Variants in PHLPP2 observed in about 807,000 individuals in gnomAD.
PHLPP2 encodes the protein PH domain and leucine rich repeat protein phosphatase 2, also known as PH domain leucine-rich repeat-containing protein phosphatase 2.
PHLPP2 carries 66 observed loss-of-function variants against 124.9 expected under a neutral mutation model. That is an observed-to-expected ratio of 0.53 (90% CI 0.43 to 0.65). PHLPP2 has a LOEUF of 0.65. Ranked by LOEUF, PHLPP2 falls within the 30% of genes least tolerant of loss-of-function variation. PHLPP2 has a pLI of 0.00. For synonymous variants in PHLPP2, 681 were observed against 624.7 expected, an observed-to-expected ratio of 1.09 and a Z score of -1.34; for missense variants, 1,685 against 1,600.4, an observed-to-expected ratio of 1.05 and a Z score of -0.90.
Position 71,646,290 on chromosome 16 carries a change from A to T in PHLPP2, c.*2600T>A, listed in dbSNP as rs774645317. 6.6e-6 allele frequency: 1 copy of T among 152,254 alleles called. No individual in the cohort carries two copies. The highest frequency in any genetic ancestry group is 1.5e-5 in the Non-Finnish European group (1 of 68,038). 9.4% of individuals were successfully genotyped at this position (152,254 alleles called of 1,614,324 possible). ...TTTAATACAGAGCAACTGCAGAAGG[A>T]CATGAATTAAAGCAGACTGCAAAAA... On this transcript the variant is annotated 3_prime_UTR_variant, in exon 19 of 19. Coordinates refer to ENST00000568954, the MANE Select transcript of PHLPP2 (RefSeq NM_015020.3).
chr16:71,692,540 T>C (rs1001539223), intron 3 of PHLPP2, among the ~76,000 whole-genome samples: 2 of 152,204 alleles, frequency 1.3e-5, no homozygotes, highest in African/African-American at 4.8e-5. Context: ...CAATAAAACT[T>C]TGTATATTAA....
chr16:71,685,913 T>C (rs1025227353), intron 4 of PHLPP2, among the ~76,000 whole-genome samples: 1 of 152,220 alleles, frequency 6.6e-6, no homozygotes, highest in African/African-American at 2.4e-5. Context: ...ATATTCATGG[T>C]AAAATGTTCC....
At chr16:71,692,648 C>T (rs2045126545) in intron 3 of PHLPP2, among the ~76,000 whole-genome samples, 1 of 152,024 alleles carries the variant, frequency 6.6e-6, no homozygotes. Flanking sequence ...ATTCCAGGAC[C>T]TCCCCAAGGA....
At chr16:71,716,589 C>A (rs1404198217) in intron 1 of PHLPP2, among the ~76,000 whole-genome samples, 1 of 152,176 alleles carries the variant, frequency 6.6e-6, no homozygotes, top group African/African-American at 2.4e-5. Context: ...ATTTCCGCAG[C>A]CATACCTCTC....
intron 9 of PHLPP2, among the ~76,000 whole-genome samples, chr16:71,673,125 T>A (rs1234873260): frequency 6.6e-6 from 1 of 152,248 alleles, no homozygotes; most frequent in Non-Finnish European, 1.5e-5. Context: ...ACATGTTAAG[T>A]CTTTTCCAGT....
chr16:71,714,520 G>T lies in PHLPP2; in HGVS notation c.276C>A (p.Asp92Glu), dbSNP rs1216083713. ...TAAAACTGAGACCTCACCTGACCAG[G>T]TCTCCATGAAGCTGTAAATAAAGAC... ...RESLYLQLHG[D>E]LVRRLEPTER... is the part of the protein sequence containing the mutation. Residue 92 changes from aspartate (D) to glutamate (E), a missense_variant, in exon 2 of 19, where the codon GAC becomes GAA. Transcript: ENST00000568954. 6.2e-7 allele frequency: 1 copy of T among 1,607,236 alleles called. No homozygotes were observed. The highest frequency in any genetic ancestry group is 1.7e-5 in the Admixed American group (1 of 59,576).
At chr16:71,698,688 T>C (rs2045198683) in intron 3 of PHLPP2, 1 of 471,664 alleles carries the variant, frequency 2.1e-6, no homozygotes, top group African/African-American at 2.0e-5. Flanking sequence ...CTCAGTTGGC[T>C]TAACTGTCTG....
chr16:71,723,758 C>A, intron 1 of PHLPP2: 1 of 1,287,852 alleles, frequency 7.8e-7, no homozygotes, highest in Non-Finnish European at 1.0e-6. Context: ...CTGGTCCATC[C>A]GCCTCCTCAC....
chr16:71,705,760 T>A (rs2045269425), intron 2 of PHLPP2, among the ~76,000 whole-genome samples: 1 of 152,236 alleles, frequency 6.6e-6, no homozygotes, highest in South Asian at 2.1e-4. Context: ...TCTGCCCGCC[T>A]TGGCCTCCCA....
intron 3 of PHLPP2, chr16:71,698,493 G>A (rs999910593): frequency 2.7e-6 from 2 of 750,880 alleles, no homozygotes; most frequent in South Asian, 2.7e-5. Flanking sequence ...GCTTTCCAAA[G>A]GCACCTCGCA....
intron 4 of PHLPP2, 110 bp downstream of exon 4, chr16:71,690,409 C>T: frequency 1.3e-6 from 1 of 753,302 alleles, no homozygotes; most frequent in Non-Finnish European, 2.2e-6. Context: ...TTAATAATGC[C>T]CATACTGGCT....
chr16:71,655,207 C>A (rs371146051), intron 17 of PHLPP2, 33 bp downstream of exon 17: 4 of 1,454,146 alleles, frequency 2.8e-6, no homozygotes, highest in South Asian at 1.1e-5. Context: ...AAAAGTAGAA[C>A]TGAGTTAGGG....
chr16:71,691,848 G>A (rs1003845623), intron 3 of PHLPP2, among the ~76,000 whole-genome samples: 1 of 151,732 alleles, frequency 6.6e-6, no homozygotes, highest in Non-Finnish European at 1.5e-5. Context: ...GTAGTCCCAG[G>A]TACTCAGGAG....
chr16:71,663,992 A>T lies in PHLPP2; in HGVS notation c.1892T>A (p.Leu631His). ...GACAGGTATGCACTGATCCGTCAGGAGATTGTTGGTCAGATAAAGCAGCTG... is the reference window on the plus strand; with the variant it reads ...GACAGGTATGCACTGATCCGTCAGGTGATTGTTGGTCAGATAAAGCAGCTG... Reference protein sequence around the residue: ...MLQLLYLTNNLLTDQCIPVLV... With the variant: ...MLQLLYLTNNHLTDQCIPVLV... The change falls in exon 13 of 19, where the codon CTC (leucine) becomes CAC (histidine). Residue 631 changes from leucine to histidine, a missense_variant. Leu to His is a moderately conservative substitution (Grantham distance 99). Transcript: ENST00000568954. 6.2e-7 allele frequency: 1 copy of T among 1,613,920 alleles called. No homozygotes were observed. Among genetic ancestry groups the T allele is most frequent in the Non-Finnish European group, 8.5e-7 (1 of 1,179,810 alleles).
intron 2 of PHLPP2, among the ~76,000 whole-genome samples, chr16:71,708,164 C>G (rs2045293820): frequency 6.6e-6 from 1 of 152,146 alleles, no homozygotes; most frequent in Non-Finnish European, 1.5e-5. Flanking sequence ...AATACTCCAC[C>G]ACTGTTTTGT....
At position 71,649,750 on chromosome 16, in the gene PHLPP2, C is replaced by G. The variant is rs1290408479; in HGVS notation, c.3112G>C (p.Glu1038Gln). The change falls in exon 19 of 19, where the codon GAA becomes CAA. Residue 1038 changes from glutamate to glutamine, a missense_variant. Glu to Gln is a conservative substitution (Grantham distance 29). Transcript: ENST00000568954. ...CCATTCATTTCACAAGTGCAGCCTT[C>G]CTCACCAATATTCAAATAAACTACC... is the stretch of plus-strand genomic sequence containing the variant. Reference protein sequence around the residue: ...AMVVYLNIGEEGCTCEMNGLT... With the variant: ...AMVVYLNIGEQGCTCEMNGLT... 1 of 1,614,094 alleles carries G rather than the reference C, an allele frequency of 6.2e-7. No homozygotes were observed. Among genetic ancestry groups the G allele is most frequent in the East Asian group, 2.2e-5 (1 of 44,900 alleles).
chr16:71,656,446 G>T, intron 16 of PHLPP2, 125 bp downstream of exon 16: 1 of 612,788 alleles, frequency 1.6e-6, no homozygotes, highest in Non-Finnish European at 2.9e-6. Context: ...ATCTGACGCT[G>T]ATGTTCTATG....
chr16:71,704,307 C>CAAAAAAAAAAAAAAAAAAAA (rs56882820), intron 2 of PHLPP2, among the ~76,000 whole-genome samples: 2 of 98,712 alleles, frequency 2.0e-5, no homozygotes, highest in African/African-American at 8.3e-5. Flanking sequence ...GACTCTGTCT[C>CAAAAAAAAAAAAAAAAAAAA]AAAAAAAAAA....
rs756642820 is a variant in PHLPP2, at chr16:71,719,964, A to ATTTTT, written c.-7+4360_-7+4364dup. The stretch of plus-strand genomic sequence containing the variant: ...AGGTGCACAACACCATGCCCAGCTA[A>ATTTTT]TTTTTTTTTTTTTTTTTTTTTTTTG... On this transcript the variant is annotated intron_variant, in intron 1 of 18. Coordinates refer to ENST00000568954, the MANE Select transcript of PHLPP2 (RefSeq NM_015020.3). 4.0e-3 allele frequency among the ~76,000 whole-genome samples: 213 copies of ATTTTT among 53,230 alleles called. 20 individuals are homozygous for ATTTTT. Among genetic ancestry groups the ATTTTT allele is most frequent in the African/African-American group, 5.1e-3 (61 of 11,984 alleles). 34.9% of individuals were successfully genotyped at this position (53,230 alleles called of 152,430 possible). A position where few individuals can be genotyped will look rare whatever the true frequency, so the allele number is the denominator to read the frequency against.
Sources: allele counts gnomAD v4.1 joint callset (sites outside exome capture counted in the v4.1 genomes callset), GRCh38; gene constraint gnomAD v4.1.1; transcripts MANE v1.5; gene names NCBI Gene and HGNC (gene_info 2026-07-23, HGNC 2026-07-21).